PACRG: variants seen among roughly 807,000 people sequenced by gnomAD.
The protein encoded by PACRG is parkin coregulated.
Under a neutral mutation model 29.7 loss-of-function variants are expected in PACRG, and 29 were observed. The observed-to-expected ratio is 0.98, with a 90% confidence interval of 0.73 to 1.33. The LOEUF is 1.33. PACRG is among the 40% of genes most tolerant of loss of function. The pLI is 0.00. For missense variants in PACRG, 279 were observed against 316.2 expected, an observed-to-expected ratio of 0.88 and a Z score of 0.89; for synonymous variants, 116 against 118.7, an observed-to-expected ratio of 0.98 and a Z score of 0.15.
rs1799288765 is a variant in PACRG at position 162,947,613 on chromosome 6, T to TATATATATATATATATATATAATC, written c.292-114516_292-114515insATCATATATATATATATATATATA. Among the ~76,000 whole-genome samples, 7 of 14,908 alleles carry TATATATATATATATATATATAATC rather than the reference T, an allele frequency of 4.7e-4. No homozygotes were observed. The South Asian group carries it at 1.0e-2, about 21-fold the overall frequency. The allele number at this position is 14,908 out of a possible 152,430, so 9.8% of individuals were successfully genotyped here. ...ATATAATCATATATATATATAATCA[T>TATATATATATATATATATATAATC]ATATATATATATATATATATATATA... On this transcript the variant is annotated intron_variant, in intron 2 of 4. Coordinates refer to ENST00000366888, the MANE Select transcript of PACRG (RefSeq NM_001080379.2).
intron 2 of PACRG, among the ~76,000 whole-genome samples, chr6:162,985,750 A>G (rs982796408): frequency 1.3e-5 from 2 of 152,208 alleles, no homozygotes; most frequent in South Asian, 4.1e-4. Context: ...CAAAATGGTA[A>G]AGAGGAAGTC....
At chr6:162,761,046 C>T (rs1302892467) in intron 1 of PACRG, among the ~76,000 whole-genome samples, 1 of 152,206 alleles carries the variant, frequency 6.6e-6, no homozygotes, top group East Asian at 1.9e-4. Flanking sequence ...GTAGAATCTT[C>T]TGGCCTTCTT....
chr6:163,241,967 G>C (rs914648077), intron 4 of PACRG, among the ~76,000 whole-genome samples: 1 of 152,156 alleles, frequency 6.6e-6, no homozygotes. Flanking sequence ...GGTGGGCTCA[G>C]ACTCAAAAAC....
chr6:162,769,891 A>G (rs893686469), intron 1 of PACRG, among the ~76,000 whole-genome samples: 1 of 152,060 alleles, frequency 6.6e-6, no homozygotes, highest in Non-Finnish European at 1.5e-5. Flanking sequence ...ACTGATTCTT[A>G]TTGATTACAT....
At chr6:163,171,013 A>G (rs1283955160) in intron 4 of PACRG, 1 of 152,260 alleles carries the variant, frequency 6.6e-6, no homozygotes, top group Admixed American at 6.5e-5. Flanking sequence ...GCTTTTCTGC[A>G]AAATGTGAGC....
At chr6:163,243,649 C>A (rs888265733) in intron 4 of PACRG, among the ~76,000 whole-genome samples, 7 of 152,196 alleles carry the variant, frequency 4.6e-5, no homozygotes, top group African/African-American at 1.7e-4. Flanking sequence ...CCCCAGTGGT[C>A]TCCTCCAGGT....
chr6:163,203,050 A>C (rs1780771393), intron 4 of PACRG, among the ~76,000 whole-genome samples: 1 of 152,132 alleles, frequency 6.6e-6, no homozygotes, highest in African/African-American at 2.4e-5. Flanking sequence ...GAATAGGTAC[A>C]TCGGGCCGTT....
chr6:162,912,738 A>C (rs1396220398), intron 2 of PACRG, among the ~76,000 whole-genome samples: 1 of 151,392 alleles, frequency 6.6e-6, no homozygotes, highest in Non-Finnish European at 1.5e-5. Context: ...CATTCATCTA[A>C]TTTTTGTCTT....
chr6:163,072,761 G>A (rs1246229829), intron 3 of PACRG, among the ~76,000 whole-genome samples: 6 of 152,072 alleles, frequency 3.9e-5, no homozygotes, highest in Non-Finnish European at 8.8e-5. Flanking sequence ...TCGTAAAGTA[G>A]CAGGATACGA....
At chr6:162,736,038 A>C (rs1450289011) in intron 1 of PACRG, among the ~76,000 whole-genome samples, 1 of 152,258 alleles carries the variant, frequency 6.6e-6, no homozygotes, top group East Asian at 1.9e-4. Flanking sequence ...GCTTCTTGGC[A>C]TCTGTTGCTG....
intron 4 of PACRG, among the ~76,000 whole-genome samples, chr6:163,148,884 G>T (rs1777923012): frequency 6.8e-6 from 1 of 146,272 alleles, no homozygotes; most frequent in African/African-American, 2.5e-5. Context: ...CCCATAACTG[G>T]CTGCTGCACA....
intron 4 of PACRG, among the ~76,000 whole-genome samples, chr6:163,238,074 C>A (rs1362496781): frequency 1.3e-5 from 2 of 152,076 alleles, no homozygotes; most frequent in Admixed American, 6.5e-5. Flanking sequence ...TTGCCAAACC[C>A]TTTTAGTAAA....
chr6:163,047,918 G>C (rs955776451), intron 2 of PACRG, among the ~76,000 whole-genome samples: 3 of 152,112 alleles, frequency 2.0e-5, no homozygotes, highest in Non-Finnish European at 4.4e-5. Context: ...CATAGTGATT[G>C]TTAATTTTAT....
chr6:163,110,071 AT>A (rs1237883735), intron 4 of PACRG, among the ~76,000 whole-genome samples: 1 of 152,194 alleles, frequency 6.6e-6, no homozygotes, highest in Non-Finnish European at 1.5e-5. Context: ...ACAAAGATAC[AT>A]TTATGGATAG....
Position 162,842,317 on chromosome 6 carries a change from T to C in PACRG, c.291+28036T>C, listed in dbSNP as rs1438642052. On this transcript the variant is annotated intron_variant, in intron 2 of 4. Coordinates refer to ENST00000366888, the MANE Select transcript of PACRG (RefSeq NM_001080379.2). Reference sequence around the variant, plus strand: ...CATATATATTTAGGATAGTTAGCTCTTCTTGTTGAATTGATCCCTTTACCA... The same window carrying C: ...CATATATATTTAGGATAGTTAGCTCCTCTTGTTGAATTGATCCCTTTACCA... Among the ~76,000 whole-genome samples, 32 of 138,748 alleles carry C rather than the reference T, an allele frequency of 2.3e-4. 1 individual carries two copies. Among genetic ancestry groups the C allele is most frequent in the African/African-American group, 5.7e-4 (21 of 36,614 alleles). The allele number at this position is 138,748 out of a possible 152,430, so 91.0% of individuals were successfully genotyped here.
At chr6:162,932,973 T>G (rs1312881981) in intron 2 of PACRG, among the ~76,000 whole-genome samples, 1 of 152,076 alleles carries the variant, frequency 6.6e-6, no homozygotes, top group Non-Finnish European at 1.5e-5. Context: ...ATTTGAATTC[T>G]ACTTTTGATT....
In PACRG at chr6:162,809,658, G is replaced by A. The variant is rs1023804008; in HGVS notation, c.157-4489G>A. On this transcript the variant is annotated intron_variant, in intron 1 of 4. Transcript: ENST00000366888. ...AAGAGACAAAAAGAAAAGAGAAATTGATTTTTTGAGAAGTGCAAAGACAAA... is the reference window on the plus strand; with the variant it reads ...AAGAGACAAAAAGAAAAGAGAAATTAATTTTTTGAGAAGTGCAAAGACAAA... Among the ~76,000 whole-genome samples the A allele has an allele frequency of 2.6e-5, 4 of 152,226 alleles. No homozygotes were observed. In the East Asian group the frequency reaches 7.7e-4, roughly 29 times the overall value.
At chr6:162,795,710 G>A (rs1287590172) in intron 1 of PACRG, among the ~76,000 whole-genome samples, 3 of 152,152 alleles carry the variant, frequency 2.0e-5, no homozygotes, top group African/African-American at 7.2e-5. Flanking sequence ...GTGTAATGAT[G>A]TGCAATCCTT....
At chr6:162,947,356 T>TGCTC in intron 2 of PACRG, among the ~76,000 whole-genome samples, 1 of 91,432 alleles carries the variant, frequency 1.1e-5, no homozygotes, top group Admixed American at 1.3e-4. Flanking sequence ...ATTACATATA[T>TGCTC]ATAATGTAAT....
Sources: allele counts gnomAD v4.1 joint callset (sites outside exome capture counted in the v4.1 genomes callset), GRCh38; gene constraint gnomAD v4.1.1; transcripts MANE v1.5; gene names NCBI Gene and HGNC (gene_info 2026-07-23, HGNC 2026-07-21).